The following AGO3 variants were observed in gnomAD, a reference collection of about 807,000 sequenced individuals.
AGO3 encodes argonaute RISC catalytic component 3.
A neutral mutation model predicts 105.5 loss-of-function variants in AGO3; 16 were observed. The ratio of observed to expected loss-of-function variants is 0.15; its 90% confidence interval spans 0.10 to 0.23. The LOEUF (loss-of-function observed/expected upper bound fraction) is 0.23, where lower values mean the gene tolerates loss of function less well. Among genes scored for constraint, AGO3 ranks in the 10% least tolerant of loss-of-function variants. AGO3 has a pLI of 1.00. For missense variants in AGO3, 534 were observed against 1,088.0 expected (o/e 0.49, Z 7.16); for synonymous variants, 340 against 367.3 (o/e 0.93, Z 0.85).
rs1016485589 is a variant in AGO3, at chr1:35,931,255, C to T, written c.-172C>T. On this transcript the variant is annotated 5_prime_UTR_variant, in exon 1 of 19. Transcript: ENST00000373191. ...CCTGTGCCGTTTTCCGTCCGCGACT[C>T]TTCCGGCCCAGAGCTTTCGGAGTGC... The T allele has an allele frequency of 1.8e-5, 9 of 487,958 alleles. No homozygotes were observed. The highest frequency in any genetic ancestry group is 1.0e-4 in the African/African-American group (5 of 49,562). 30.2% of individuals were successfully genotyped at this position (487,958 alleles called of 1,614,324 possible). A position where few individuals can be genotyped will look rare whatever the true frequency, so the allele number is the denominator to read the frequency against.
chr1:35,990,314 C>T (rs1647506450), intron 5 of AGO3, among the ~76,000 whole-genome samples: 1 of 152,132 alleles, frequency 6.6e-6, no homozygotes, highest in African/African-American at 2.4e-5. Context: ...CAAGACCATC[C>T]TGGCTAACAC....
chr1:36,007,524 C>T (rs1434546745), intron 6 of AGO3, among the ~76,000 whole-genome samples: 2 of 152,032 alleles, frequency 1.3e-5, no homozygotes, highest in Non-Finnish European at 2.9e-5. Context: ...TGGCGAAACC[C>T]CATCTCTACT....
Position 35,973,375 on chromosome 1 carries a change from A to G in AGO3, c.522A>G (p.Lys174=). The G allele has an allele frequency of 4.6e-6, 7 of 1,513,584 alleles. No homozygotes were observed. The highest frequency in any genetic ancestry group is 1.4e-5 in the African/African-American group (1 of 72,134). 93.8% of individuals were successfully genotyped at this position (1,513,584 alleles called of 1,614,324 possible). ...GAACATGCCATTTTAATTTTTGTAG[A>G]TACACACCTGTGGGGCGTTCATTTT... ...DVVLRHLPSM[K]YTPVGRSFFS... The change falls in exon 5 of 19, where the codon AAA becomes AAG. Residue 174 remains lysine (K), a splice_region_variant and synonymous_variant. Transcript: ENST00000373191.
intron 4 of AGO3, 130 bp from the exon 5 acceptor site, chr1:35,973,245 C>CA: frequency 9.7e-7 from 1 of 1,025,874 alleles, no homozygotes; most frequent in Non-Finnish European, 1.3e-6. Flanking sequence ...AAATTTGGAA[C>CA]ATGTTTAGTT....
intron 5 of AGO3, chr1:35,983,370 G>A (rs948552589): frequency 6.8e-6 from 1 of 146,834 alleles, no homozygotes; most frequent in Non-Finnish European, 1.5e-5. Context: ...TTAGGAGTTT[G>A]CGATCAGGCT....
At chr1:35,948,923 T>C (rs1646418408) in intron 2 of AGO3, among the ~76,000 whole-genome samples, 1 of 151,750 alleles carries the variant, frequency 6.6e-6, no homozygotes. Flanking sequence ...TTTTGAGTTT[T>C]TATTTATTTT....
At position 36,009,611 on chromosome 1, in the gene AGO3, A is replaced by G; in HGVS notation, c.1149+17A>G. The G allele has an allele frequency of 6.2e-7, 1 of 1,601,282 alleles. No individual in the cohort carries two copies. Among genetic ancestry groups the G allele is most frequent in the Non-Finnish European group, 8.5e-7 (1 of 1,176,038 alleles). ...AGCAGATTGGTTAGTACTTAACCTT[A>G]GAAATGAGAATTTAAAACATATTAG... On this transcript the variant is annotated intron_variant, in intron 9 of 18. Transcript: ENST00000373191.
rs999168975 is a variant in AGO3 at position 36,067,589 on chromosome 1, TGAG to T, written c.*11846_*11848del. 6.6e-6 allele frequency: 1 copy of T among 152,184 alleles called. No individual in the cohort carries two copies. The highest frequency in any genetic ancestry group is 2.4e-5 in the African/African-American group (1 of 41,442). 9.4% of individuals were successfully genotyped at this position (152,184 alleles called of 1,614,324 possible). A position where few individuals can be genotyped will look rare whatever the true frequency, so the allele number is the denominator to read the frequency against. On this transcript the variant is annotated 3_prime_UTR_variant, in exon 19 of 19. Coordinates refer to ENST00000373191, the MANE Select transcript of AGO3 (RefSeq NM_024852.4). Reference sequence around the variant, plus strand: ...AGGCGTGGTGGCAGGCGCCTGAGGCTGAGGCAGGAGAATCCTGCTAGTCTGAAT... The same window carrying T: ...AGGCGTGGTGGCAGGCGCCTGAGGCTGCAGGAGAATCCTGCTAGTCTGAAT...
At chr1:35,935,540 AT>A in intron 1 of AGO3, among the ~76,000 whole-genome samples, 1 of 152,338 alleles carries the variant, frequency 6.6e-6, no homozygotes, top group South Asian at 2.1e-4. Flanking sequence ...ATTAATTTGT[AT>A]TAGTTTATAT....
chr1:35,980,911 C>CT lies in AGO3; in HGVS notation c.658+7402dup, dbSNP rs1248821180. 5.3e-5 allele frequency among the ~76,000 whole-genome samples: 8 copies of CT among 152,272 alleles called. No homozygotes were observed. The South Asian group carries it at 1.7e-3, about 32-fold the overall frequency. On this transcript the variant is annotated intron_variant, in intron 5 of 18. Coordinates refer to ENST00000373191, the MANE Select transcript of AGO3 (RefSeq NM_024852.4). ...TAAAAAATTTCTATCCTACATGCTTCTTACTGTGCCTTTGGTGTTGTATAT... is the reference window on the plus strand; with the variant it reads ...TAAAAAATTTCTATCCTACATGCTTCTTTACTGTGCCTTTGGTGTTGTATAT...
At chr1:35,994,143 C>T (rs1177558633) in intron 5 of AGO3, among the ~76,000 whole-genome samples, 3 of 148,690 alleles carry the variant, frequency 2.0e-5, no homozygotes, top group South Asian at 2.2e-4. Context: ...CTCAACCTCC[C>T]GAGCTATGCT....
chr1:36,037,701 C>A (rs1162566695), intron 14 of AGO3, among the ~76,000 whole-genome samples: 5 of 151,892 alleles, frequency 3.3e-5, no homozygotes, highest in East Asian at 1.9e-4. Context: ...TCTATTAATT[C>A]TCTTGCTTTT....
chr1:35,989,253 T>C (rs1647390029), intron 5 of AGO3, among the ~76,000 whole-genome samples: 1 of 152,190 alleles, frequency 6.6e-6, no homozygotes, highest in African/African-American at 2.4e-5. Flanking sequence ...TCTCTCTAAT[T>C]GTGTGATTGG....
chr1:35,996,657 G>C (rs568343751), intron 5 of AGO3, among the ~76,000 whole-genome samples: 1 of 151,688 alleles, frequency 6.6e-6, no homozygotes, highest in Non-Finnish European at 1.5e-5. Context: ...TATAGTCCCA[G>C]CTACTCAGGA....
chr1:35,983,744 ACT>A (rs1330673166), intron 5 of AGO3, among the ~76,000 whole-genome samples: 2 of 151,974 alleles, frequency 1.3e-5, no homozygotes, highest in Non-Finnish European at 2.9e-5. Context: ...CAGAGTACTG[ACT>A]CTGAGTTTTC....
In AGO3 at chr1:36,055,586, TACATCAGAATAG is replaced by T; in HGVS notation, c.2475-49_2475-38del. On this transcript the variant is annotated intron_variant, in intron 18 of 18. Coordinates refer to ENST00000373191, the MANE Select transcript of AGO3 (RefSeq NM_024852.4). This position sits in a 1 kb window ranked among gnomAD's most constrained non-coding sequence, Gnocchi z 4.4. The stretch of plus-strand genomic sequence containing the variant: ...AACAAATAGTATTTTTCGGAATTAT[TACATCAGAATAG>T]AAAGTTTGTTTTTGTGTTCATTGCC... 6.6e-7 allele frequency: 1 copy of T among 1,522,578 alleles called. No homozygotes were observed. The highest frequency in any genetic ancestry group is 9.1e-7 in the Non-Finnish European group (1 of 1,101,890). 94.3% of individuals were successfully genotyped at this position (1,522,578 alleles called of 1,614,324 possible).
chr1:36,000,846 C>CT (rs963448883), intron 5 of AGO3, among the ~76,000 whole-genome samples: 8 of 147,352 alleles, frequency 5.4e-5, no homozygotes, highest in African/African-American at 7.5e-5. Context: ...AACAGTCTCT[C>CT]TTTTTTTTTT....
intron 1 of AGO3, among the ~76,000 whole-genome samples, chr1:35,939,560 G>A (rs1037920744): frequency 6.6e-6 from 1 of 152,198 alleles, no homozygotes; most frequent in Middle Eastern, 3.4e-3. Flanking sequence ...GGGACATATG[G>A]GAAATCTCTA....
At chr1:35,990,989 C>A (rs1458632567) in intron 5 of AGO3, among the ~76,000 whole-genome samples, 1 of 152,068 alleles carries the variant, frequency 6.6e-6, no homozygotes, top group South Asian at 2.1e-4. Context: ...CTTACCCAGG[C>A]GGGCTATCTT....
Sources: gnomAD v4.1 joint callset for allele counts (sites outside exome capture counted in the v4.1 genomes callset) on GRCh38, gnomAD v4.1.1 for gene constraint, Gnocchi (gnomAD v3.1) non-coding constraint, MANE v1.5 for transcripts, NCBI Gene and HGNC (gene_info 2026-07-23, HGNC 2026-07-21) for gene names.